Variants in KMT2D observed in about 807,000 individuals in gnomAD.
The protein encoded by KMT2D is histone-lysine N-methyltransferase 2D.
A neutral mutation model predicts 512.7 loss-of-function variants in KMT2D; 55 were observed. The observed-to-expected ratio is 0.11, with a 90% CI of 0.09 to 0.13. The LOEUF is 0.13. KMT2D is among the 10% of genes least tolerant of loss of function. The pLI, the probability that KMT2D is intolerant of heterozygous loss-of-function variation, is 1.00. For missense variants in KMT2D, 6,061 were observed against 7,127.9 expected, an observed-to-expected ratio of 0.85 and a Z score of 5.39; for synonymous variants, 2,995 against 2,904.0, an observed-to-expected ratio of 1.03 and a Z score of -1.01.
chr12:49,035,554 T>TC (rs1943179202), intron 35 of KMT2D: 1 of 152,394 alleles, frequency 6.6e-6, no homozygotes, highest in South Asian at 2.1e-4. Context: ...CCACTTTCTT[T>TC]TTTTCTTTTC....
Position 49,051,692 on chromosome 12 carries a change from G to A in KMT2D, c.1991C>T (p.Pro664Leu). 6.3e-7 allele frequency: 1 copy of A among 1,582,386 alleles called. No homozygotes were observed. The highest frequency in any genetic ancestry group is 1.4e-5 in the African/African-American group (1 of 73,808). Residue 664 changes from proline (P) to leucine (L), a missense_variant, in exon 11 of 55, where the codon CCA becomes CTA. Around this residue, in one of 16 missense-constraint regions of KMT2D, gnomAD observed 848 missense variants for 838.5 expected, o/e 1.01. Transcript: ENST00000301067. ...SPLPVVSRLS[P>L]PPEESPLSPP... ...GGACAAGGGAGATTCCTCAGGCGGTGGAGACAGGCGTGACACCACAGGCAG... is the reference window on the plus strand; with the variant it reads ...GGACAAGGGAGATTCCTCAGGCGGTAGAGACAGGCGTGACACCACAGGCAG...
rs1565769918 is a variant in KMT2D at position 49,030,754 on chromosome 12, C to T, written c.13686G>A (p.Leu4562=). ...LKQLKQELSL[L]PLTEPAITAN... ...CGGTGATAGCAGGCTCCGTTAGGGG[C>T]AGCAGGGACAGCTCCTACAAGGGGC... The change falls in exon 42 of 55, where the codon CTG becomes CTA. Residue 4562 remains leucine (L), a synonymous_variant. Transcript: ENST00000301067. The T allele has an allele frequency of 6.2e-7, 1 of 1,613,608 alleles. No homozygotes were observed. The highest frequency in any genetic ancestry group is 2.2e-5 in the East Asian group (1 of 44,880).
At position 49,046,566 on chromosome 12, in the gene KMT2D, T is replaced by G. The variant is rs1205961589; in HGVS notation, c.4418+43A>C. On this transcript the variant is annotated intron_variant, in intron 16 of 54. Coordinates refer to ENST00000301067, the MANE Select transcript of KMT2D (RefSeq NM_003482.4). This position sits in a 1 kb window ranked among gnomAD's most constrained non-coding sequence, Gnocchi z 4.2. ...ACTCAACATCATATCCACTTTAACATCTCAAGGCCCCAGGGCTCCACTGAA... is the reference window on the plus strand; with the variant it reads ...ACTCAACATCATATCCACTTTAACAGCTCAAGGCCCCAGGGCTCCACTGAA... 6.3e-7 allele frequency: 1 copy of G among 1,586,656 alleles called. No homozygotes were observed. Among genetic ancestry groups the G allele is most frequent in the Non-Finnish European group, 8.6e-7 (1 of 1,162,940 alleles).
Position 49,044,712 on chromosome 12 carries a change from C to T in KMT2D, c.4963+32G>A, listed in dbSNP as rs897129366. ...CACTCCCAGAGTCACGCTCCCCCTA[C>T]TCTGCCGCTCCCTAAGATTCCCCAA... On this transcript the variant is annotated intron_variant, in intron 20 of 54. Transcript: ENST00000301067. The surrounding 1 kb of genome is among the most constrained non-coding windows in gnomAD (Gnocchi z 6.4). The T allele has an allele frequency of 6.3e-7, 1 of 1,599,926 alleles. No homozygotes were observed. Among genetic ancestry groups the T allele is most frequent in the Non-Finnish European group, 8.6e-7 (1 of 1,168,514 alleles).
chr12:49,055,391 C>A (rs761231743), intron 1 of KMT2D, 30 bp from the exon 2 acceptor site: 2 of 1,420,052 alleles, frequency 1.4e-6, no homozygotes, highest in East Asian at 2.3e-5. Flanking sequence ...GATCTATATG[C>A]CTACTAAGTC....
At position 49,022,257 on chromosome 12, in the gene KMT2D, C is replaced by G. The variant is rs2137704642; in HGVS notation, c.16412+23G>C. The G allele has an allele frequency of 6.3e-7, 1 of 1,590,148 alleles. No homozygotes were observed. The highest frequency in any genetic ancestry group is 1.1e-5 in the South Asian group (1 of 89,814). ...TGCCACTCTCAGGGACCACTAAATC[C>G]CTCCTTCCTCGTCATCTCTCACCTG... On this transcript the variant is annotated intron_variant, in intron 53 of 54. Transcript: ENST00000301067. The surrounding 1 kb of genome is among the most constrained non-coding windows in gnomAD (Gnocchi z 8.6).
chr12:49,031,778 A>G lies in KMT2D; in HGVS notation c.12927T>C (p.Pro4309=), dbSNP rs2120424304. 6.2e-7 allele frequency: 1 copy of G among 1,610,582 alleles called. No individual in the cohort carries two copies. Among genetic ancestry groups the G allele is most frequent in the African/African-American group, 1.3e-5 (1 of 74,822 alleles). Residue 4309 remains proline, a synonymous_variant, in exon 40 of 55, where the codon CCT becomes CCC. Transcript: ENST00000301067. ...GPVLGPVHPT[P]PPSSPQEPKR... is the part of the protein sequence containing the mutation. ...TTGGCTCTTGAGGGCTGGATGGTGG[A>G]GGTGTGGGATGGACAGGGCCAAGGA...
Position 49,021,331 on chromosome 12 carries a change from A to C in KMT2D, c.*449T>G. ...CCCGGCAGGCAGGGCCAGGTGTGGGACCCGGCCTTTGGGATTGTCAAGCTT... is the reference window on the plus strand; with the variant it reads ...CCCGGCAGGCAGGGCCAGGTGTGGGCCCCGGCCTTTGGGATTGTCAAGCTT... On this transcript the variant is annotated 3_prime_UTR_variant, in exon 55 of 55. Transcript: ENST00000301067. 1 of 248,166 alleles carries C rather than the reference A, an allele frequency of 4.0e-6. No homozygotes were observed. Among genetic ancestry groups the C allele is most frequent in the South Asian group, 1.4e-4 (1 of 7,300 alleles). 15.4% of individuals were successfully genotyped at this position (248,166 alleles called of 1,614,324 possible).
chr12:49,040,329 C>G lies in KMT2D; in HGVS notation c.7441G>C (p.Ala2481Pro), dbSNP rs2120527083. ...RPQPPEVAFK[A>P]GSLAHTSLGA... Reference sequence around the variant, plus strand: ...AGCGAAGTGTGGGCTAGAGACCCAGCCTTAAAGGCAACTTCAGGGGGCTGG... The same window carrying G: ...AGCGAAGTGTGGGCTAGAGACCCAGGCTTAAAGGCAACTTCAGGGGGCTGG... The change falls in exon 32 of 55, where the codon GCT becomes CCT. Residue 2481 changes from alanine (A) to proline (P), a missense_variant. Around this residue, in one of 16 missense-constraint regions of KMT2D, gnomAD observed 710 missense variants for 647.3 expected, o/e 1.10. Coordinates refer to ENST00000301067, the MANE Select transcript of KMT2D (RefSeq NM_003482.4). 1.3e-6 allele frequency: 2 copies of G among 1,572,224 alleles called. No individual in the cohort carries two copies. The highest frequency in any genetic ancestry group is 8.6e-7 in the Non-Finnish European group (1 of 1,158,976).
rs1244083058 is a variant in KMT2D, at chr12:49,043,075, CCTT to C, written c.5642_5644del (p.Glu1882del). On this transcript the variant is annotated inframe_deletion and splice_region_variant, in exon 26 of 55. Transcript: ENST00000301067. ...CAAAGAGGTACGGGTCACAGCCTCA[CCTT>C]CTGTGGAAATCCTGTCTAAGTCAGA... 6 of 1,612,276 alleles carry C rather than the reference CCTT, an allele frequency of 3.7e-6. No homozygotes were observed. The highest frequency in any genetic ancestry group is 4.2e-6 in the Non-Finnish European group (5 of 1,178,440).
chr12:49,040,053 C>G lies in KMT2D; in HGVS notation c.7717G>C (p.Gly2573Arg), dbSNP rs750309290. 1.9e-6 allele frequency: 3 copies of G among 1,613,898 alleles called. No individual in the cohort carries two copies. Among genetic ancestry groups the G allele is most frequent in the South Asian group, 2.2e-5 (2 of 91,058 alleles). The change falls in exon 32 of 55, where the codon GGC becomes CGC. Residue 2573 changes from glycine (G) to arginine (R), a missense_variant. Transcript: ENST00000301067. ...GTGTAGTTTGTGCTTTGAGGCTTGC[C>G]CAAGGTGGGGCCGGGCCCAAAATGG... ...NSHFGPGPTL[G>R]KPQSTNYTVA...
rs748781430 is a variant in KMT2D, at chr12:49,052,336, C to A, written c.1347G>T (p.Leu449=). ...PLLPPPEESP[L]SPPPEESPTS... The stretch of plus-strand genomic sequence containing the variant: ...TGGGTGATTCCTCAGGTGGTGGGGA[C>A]AGGGGTGACTCCTCAGGTGGGGGCA... The change falls in exon 11 of 55, where the codon CTG becomes CTT. Residue 449 remains leucine (L), a synonymous_variant. Coordinates refer to ENST00000301067, the MANE Select transcript of KMT2D (RefSeq NM_003482.4). The A allele has an allele frequency of 3.8e-6, 6 of 1,565,780 alleles. No homozygotes were observed. The East Asian group carries it at 1.1e-4, about 29-fold the overall frequency.
intron 44 of KMT2D, 33 bp downstream of exon 44, chr12:49,029,368 G>A (rs549148214): frequency 3.2e-6 from 5 of 1,555,616 alleles, no homozygotes; most frequent in Admixed American, 1.9e-5. Context: ...CCCCACCCTT[G>A]TTCCTCATCC....
At chr12:49,045,212 G>C (rs2120591922) in intron 19 of KMT2D, among the ~76,000 whole-genome samples, 1 of 152,248 alleles carries the variant, frequency 6.6e-6, no homozygotes, top group East Asian at 1.9e-4. Context: ...TTAACCCTAG[G>C]TTCACTAAAT....
In KMT2D at chr12:49,038,589, C is replaced by A. The variant is rs988820724; in HGVS notation, c.8767G>T (p.Gly2923Cys). ...PHRLAPEGLR[G>C]LAVSGLPPQK... Reference sequence around the variant, plus strand: ...GGGGGAAGACCTGATACCGCCAGGCCCCGAAGCCCTTCAGGAGCCAGTCGG... The same window carrying A: ...GGGGGAAGACCTGATACCGCCAGGCACCGAAGCCCTTCAGGAGCCAGTCGG... The change falls in exon 35 of 55, where the codon GGC (glycine) becomes TGC (cysteine). Residue 2923 changes from glycine (G) to cysteine (C), a missense_variant. Gly to Cys is a radical substitution (Grantham distance 159, BLOSUM62 -3). Around this residue, in one of 16 missense-constraint regions of KMT2D, gnomAD observed 527 missense variants for 578.9 expected, o/e 0.91. Coordinates refer to ENST00000301067, the MANE Select transcript of KMT2D (RefSeq NM_003482.4). This position sits in a 1 kb window ranked among gnomAD's most constrained non-coding sequence, Gnocchi z 5.7. 4 of 1,612,666 alleles carry A rather than the reference C, an allele frequency of 2.5e-6. No homozygotes were observed. The Middle Eastern group carries it at 4.9e-4, about 200-fold the overall frequency.
At position 49,039,447 on chromosome 12, in the gene KMT2D, A is replaced by G; in HGVS notation, c.8217T>C (p.Phe2739=). The G allele has an allele frequency of 6.2e-7, 1 of 1,600,316 alleles. No individual in the cohort carries two copies. Among genetic ancestry groups the G allele is most frequent in the Non-Finnish European group, 8.5e-7 (1 of 1,171,836 alleles). Residue 2739 remains phenylalanine (F), a synonymous_variant, in exon 33 of 55, where the codon TTT becomes TTC. Transcript: ENST00000301067. The surrounding 1 kb of genome is among the most constrained non-coding windows in gnomAD (Gnocchi z 5.0). ...CCACTCTACCTACCTGTGTCCCAGC[A>G]AAGGGGGTCTGGCCTCGACTCAGCT... is the stretch of plus-strand genomic sequence containing the variant. The part of the protein sequence containing the change: ...FEQLSRGQTP[F]AGTQDKSSLV...
rs949941431 is a variant in KMT2D, at chr12:49,032,032, G to C, written c.12673C>G (p.Leu4225Val). 5.0e-6 allele frequency: 8 copies of C among 1,612,470 alleles called. No homozygotes were observed. The highest frequency in any genetic ancestry group is 1.7e-5 in the Admixed American group (1 of 59,942). Residue 4225 changes from leucine (L) to valine (V), a missense_variant, in exon 40 of 55, where the codon CTC (leucine) becomes GTC (valine). Leu to Val is a conservative substitution (Grantham distance 32, BLOSUM62 1). This residue lies in a region of KMT2D where 1,600 missense variants were observed against 1,754.9 expected (regional missense o/e 0.91). Coordinates refer to ENST00000301067, the MANE Select transcript of KMT2D (RefSeq NM_003482.4). ...TGCTGCAGCTGCCGCTGCATGAGGA[G>C]TGCCTGTAGCTGCTGCTGCTGCTGA... ...SPQQQQQLQALLMQRQLQQSQ... is the reference protein window; with the variant it reads ...SPQQQQQLQAVLMQRQLQQSQ...
chr12:49,059,016 C>T (rs1938579117), intron 1 of KMT2D, among the ~76,000 whole-genome samples: 1 of 152,154 alleles, frequency 6.6e-6, no homozygotes, highest in African/African-American at 2.4e-5. Context: ...ACTGCCCCAG[C>T]CCCGCCTCCT....
In KMT2D at chr12:49,051,901, CGGT is replaced by C; in HGVS notation, c.1779_1781del (p.Pro594del). 1 of 1,605,238 alleles carries C rather than the reference CGGT, an allele frequency of 6.2e-7. No individual in the cohort carries two copies. The highest frequency in any genetic ancestry group is 8.5e-7 in the Non-Finnish European group (1 of 1,177,576). On this transcript the variant is annotated inframe_deletion, in exon 11 of 55. Coordinates refer to ENST00000301067, the MANE Select transcript of KMT2D (RefSeq NM_003482.4). Reference sequence around the variant, plus strand: ...ATGGTGGGAACAGACGAGATGCCTCCGGTGGTGGAGACATGGGTGACTCTTCAG... The same window carrying C: ...ATGGTGGGAACAGACGAGATGCCTCCGGTGGAGACATGGGTGACTCTTCAG...
Sources: allele counts gnomAD v4.1 joint callset (sites outside exome capture counted in the v4.1 genomes callset), GRCh38; gene constraint gnomAD v4.1.1; regional missense constraint gnomAD v4.1.1; non-coding constraint Gnocchi (gnomAD v3.1); transcripts MANE v1.5; gene names NCBI Gene and HGNC (gene_info 2026-07-23, HGNC 2026-07-21).